Variants in ALK observed in about 807,000 individuals in gnomAD.
The protein encoded by ALK is ALK tyrosine kinase receptor.
In ALK, 74 loss-of-function variants were observed where a neutral mutation model predicts 163.1. That is an observed-to-expected ratio of 0.45 (90% CI 0.38 to 0.55). The LOEUF is 0.55. Among genes scored for constraint, ALK ranks in the 20% least tolerant of loss-of-function variants. The probability of loss-of-function intolerance (pLI) is 0.00; values close to 1 mark genes in which losing one functional copy is unlikely to be tolerated. For synonymous variants in ALK, 960 were observed against 843.2 expected, an observed-to-expected ratio of 1.14 and a Z score of -2.40; for missense variants, 2,063 against 2,105.3, an observed-to-expected ratio of 0.98 and a Z score of 0.39.
At chr2:29,284,873 T>C (rs1665811555) in intron 9 of ALK, among the ~76,000 whole-genome samples, 3 of 152,190 alleles carry the variant, frequency 2.0e-5, no homozygotes, top group Admixed American at 2.0e-4. Flanking sequence ...CTTCTCCTCT[T>C]CTTGAACGGC....
intron 4 of ALK, among the ~76,000 whole-genome samples, chr2:29,478,927 G>A (rs1671592873): frequency 6.7e-6 from 1 of 150,284 alleles, no homozygotes; most frequent in African/African-American, 2.4e-5. Context: ...CTAGCTTCAG[G>A]AACACAGAAA....
At chr2:29,774,479 T>C (rs1248463274) in intron 1 of ALK, among the ~76,000 whole-genome samples, 2 of 152,218 alleles carry the variant, frequency 1.3e-5, no homozygotes, top group Admixed American at 1.3e-4. Flanking sequence ...CATACATCTC[T>C]GTTTTGAGCC....
At chr2:29,244,117 A>G (rs1158064565) in intron 12 of ALK, among the ~76,000 whole-genome samples, 2 of 152,150 alleles carry the variant, frequency 1.3e-5, no homozygotes, top group Non-Finnish European at 2.9e-5. Context: ...ACACGGGGGG[A>G]TCTTGCGGGA....
At chr2:29,770,855 ACACACAGTCTCACAGTCACACACATG>A (rs1392303474) in intron 1 of ALK, among the ~76,000 whole-genome samples, 4 of 152,048 alleles carry the variant, frequency 2.6e-5, no homozygotes, top group Non-Finnish European at 4.4e-5. Context: ...ACACAGTCAC[ACACACAGTCTCACAGTCACACACATG>A]CACACAGCCA....
At chr2:29,328,242 G>A in intron 6 of ALK, 108 bp downstream of exon 6, 1 of 1,515,090 alleles carries the variant, frequency 6.6e-7, no homozygotes, top group Non-Finnish European at 9.1e-7. Flanking sequence ...ACAAGTGTCA[G>A]TGGATATCAG....
At chr2:29,221,103 A>G in intron 22 of ALK, 1 of 603,686 alleles carries the variant, frequency 1.7e-6, no homozygotes, top group Non-Finnish European at 3.2e-6. Context: ...CACTTGGGTG[A>G]GGAAGTGTCT....
intron 9 of ALK, among the ~76,000 whole-genome samples, chr2:29,288,411 C>T (rs1665918125): frequency 6.6e-6 from 1 of 152,164 alleles, no homozygotes; most frequent in South Asian, 2.1e-4. Context: ...GCCTGGTGTG[C>T]TCCTACAAGT....
At chr2:29,427,265 C>T (rs1313223623) in intron 4 of ALK, among the ~76,000 whole-genome samples, 2 of 151,824 alleles carry the variant, frequency 1.3e-5, no homozygotes, top group Non-Finnish European at 2.9e-5. Flanking sequence ...AGTATCACTA[C>T]CACTATAAAT....
intron 4 of ALK, among the ~76,000 whole-genome samples, chr2:29,482,196 C>T (rs1348612755): frequency 6.6e-6 from 1 of 152,156 alleles, no homozygotes. Context: ...TCTGGGCTTG[C>T]AGAGATATTG....
chr2:29,424,725 C>T (rs932785453), intron 4 of ALK, among the ~76,000 whole-genome samples: 1 of 152,280 alleles, frequency 6.6e-6, no homozygotes, highest in Admixed American at 6.5e-5. Flanking sequence ...AGAGACACAA[C>T]GGCAGCCTGA....
chr2:29,709,958 G>A (rs1181759460), intron 2 of ALK, among the ~76,000 whole-genome samples: 3 of 152,110 alleles, frequency 2.0e-5, no homozygotes, highest in Non-Finnish European at 4.4e-5. Context: ...CTGTTGATAT[G>A]ATTTGTCTGT....
chr2:29,583,971 T>A (rs569081951), intron 3 of ALK, among the ~76,000 whole-genome samples: 1 of 152,348 alleles, frequency 6.6e-6, no homozygotes, highest in Non-Finnish European at 1.5e-5. Context: ...GAACACTCTT[T>A]CCCTGGCATA....
At chr2:29,567,058 T>C (rs992625226) in intron 3 of ALK, among the ~76,000 whole-genome samples, 5 of 152,230 alleles carry the variant, frequency 3.3e-5, no homozygotes, top group African/African-American at 1.2e-4. Context: ...TTAAATTATA[T>C]AATTGATTTT....
chr2:29,858,423 C>T (rs1666200030), intron 1 of ALK, among the ~76,000 whole-genome samples: 1 of 151,966 alleles, frequency 6.6e-6, no homozygotes, highest in African/African-American at 2.4e-5. Context: ...TATGCTCTGA[C>T]AGGAGGTTAC....
chr2:29,482,672 G>T (rs552162252), intron 4 of ALK, among the ~76,000 whole-genome samples: 1 of 152,230 alleles, frequency 6.6e-6, no homozygotes, highest in East Asian at 1.9e-4. Flanking sequence ...ACAATGGAAT[G>T]AACTAAAAGT....
At chr2:29,469,024 T>G (rs895521673) in intron 4 of ALK, among the ~76,000 whole-genome samples, 4 of 152,088 alleles carry the variant, frequency 2.6e-5, no homozygotes, top group Non-Finnish European at 4.4e-5. Flanking sequence ...TGCTTGGTGT[T>G]CCAATAATGG....
intron 2 of ALK, among the ~76,000 whole-genome samples, chr2:29,708,311 C>T (rs1363026319): frequency 3.9e-5 from 6 of 152,118 alleles, no homozygotes; most frequent in Non-Finnish European, 5.9e-5. Flanking sequence ...TCAGGTAATC[C>T]ACCCACCCTG....
At chr2:29,571,884 G>T (rs909952788) in intron 3 of ALK, among the ~76,000 whole-genome samples, 2 of 152,118 alleles carry the variant, frequency 1.3e-5, no homozygotes, top group African/African-American at 4.8e-5. Flanking sequence ...AAAGTGCTGG[G>T]ATTACAGGTG....
intron 11 of ALK, among the ~76,000 whole-genome samples, chr2:29,270,451 T>C (rs112937762): frequency 6.2e-4 from 94 of 152,296 alleles, no homozygotes; most frequent in African/African-American, 2.2e-3. Flanking sequence ...ATGCAAAGCC[T>C]TTGCTTTGGG....
Sources: gnomAD v4.1 joint callset for allele counts (sites outside exome capture counted in the v4.1 genomes callset) on GRCh38, gnomAD v4.1.1 for gene constraint, MANE v1.5 for transcripts, NCBI Gene and HGNC (gene_info 2026-07-23, HGNC 2026-07-21) for gene names.